Variants in TRPS1 observed in about 807,000 individuals in gnomAD.
The protein encoded by TRPS1 is zinc finger transcription factor Trps1.
TRPS1 carries 6 observed loss-of-function variants against 101.2 expected under a neutral mutation model. That is an observed-to-expected ratio of 0.06 (90% CI 0.03 to 0.12). The LOEUF is 0.12. Among genes scored for constraint, TRPS1 ranks in the 10% least tolerant of loss-of-function variants. The pLI, the probability that TRPS1 is intolerant of heterozygous loss-of-function variation, is 1.00. For synonymous variants in TRPS1, 578 were observed against 589.8 expected (o/e 0.98, Z 0.29); for missense variants, 1,363 against 1,567.0 (o/e 0.87, Z 2.20).
chr8:115,491,845 C>A (rs1815030578), intron 5 of TRPS1, among the ~76,000 whole-genome samples: 1 of 152,070 alleles, frequency 6.6e-6, no homozygotes, highest in South Asian at 2.1e-4. Context: ...AAACCAATGA[C>A]AGGTTCAGAT....
chr8:115,501,193 A>T (rs1259296615), intron 5 of TRPS1, among the ~76,000 whole-genome samples: 1 of 152,254 alleles, frequency 6.6e-6, no homozygotes, highest in East Asian at 1.9e-4. Flanking sequence ...CTTCCTTCTC[A>T]TTCTACATTC....
chr8:115,644,858 C>T (rs1165734080), intron 1 of TRPS1, among the ~76,000 whole-genome samples: 1 of 152,102 alleles, frequency 6.6e-6, no homozygotes, highest in Non-Finnish European at 1.5e-5. Flanking sequence ...GGAGGACCAA[C>T]GAGCACCAGA....
intron 5 of TRPS1, among the ~76,000 whole-genome samples, chr8:115,497,174 G>A (rs1037072712): frequency 2.0e-5 from 3 of 152,198 alleles, no homozygotes; most frequent in African/African-American, 7.2e-5. Flanking sequence ...ACCAGGGACA[G>A]GTTTTGTGGA....
intron 5 of TRPS1, among the ~76,000 whole-genome samples, chr8:115,526,149 A>AATTT (rs1231734897): frequency 1.3e-5 from 2 of 152,150 alleles, no homozygotes; most frequent in Non-Finnish European, 2.9e-5. Context: ...TTTCTACTAA[A>AATTT]AATACAAAAA....
chr8:115,503,156 AG>A (rs1328075876), intron 5 of TRPS1, among the ~76,000 whole-genome samples: 1 of 151,252 alleles, frequency 6.6e-6, no homozygotes, highest in African/African-American at 2.4e-5. Flanking sequence ...TGGGAGGCTG[AG>A]GCAGGAGAAT....
chr8:115,624,963 T>A (rs1344801353), intron 1 of TRPS1, among the ~76,000 whole-genome samples: 2 of 151,698 alleles, frequency 1.3e-5, no homozygotes, highest in Non-Finnish European at 3.0e-5. Context: ...TATATATAAA[T>A]ATATACATGC....
At chr8:115,590,039 C>T (rs1817646509) in intron 4 of TRPS1, among the ~76,000 whole-genome samples, 1 of 152,082 alleles carries the variant, frequency 6.6e-6, no homozygotes, top group East Asian at 1.9e-4. Context: ...ATTACTTGAA[C>T]CTGGGAGGCG....
At chr8:115,605,821 T>C (rs942634418) in intron 3 of TRPS1, among the ~76,000 whole-genome samples, 4 of 152,148 alleles carry the variant, frequency 2.6e-5, no homozygotes, top group East Asian at 3.9e-4. Context: ...CTGCTTTCTT[T>C]CCCAAATTAT....
chr8:115,643,912 T>C (rs951208816), intron 1 of TRPS1, among the ~76,000 whole-genome samples: 3 of 152,214 alleles, frequency 2.0e-5, no homozygotes, highest in African/African-American at 7.2e-5. Context: ...GGCATGAACA[T>C]AACATTCATC....
chr8:115,455,124 G>C (rs535709738), intron 5 of TRPS1, among the ~76,000 whole-genome samples: 2 of 152,290 alleles, frequency 1.3e-5, no homozygotes, highest in South Asian at 2.1e-4. Flanking sequence ...AGGTGTAAGT[G>C]TTCTCATTGC....
intron 5 of TRPS1, among the ~76,000 whole-genome samples, chr8:115,471,221 G>A (rs987078038): frequency 4.6e-5 from 7 of 152,150 alleles, no homozygotes; most frequent in African/African-American, 1.4e-4. Flanking sequence ...AAAGATCAGA[G>A]GTTTAATTGA....
intron 5 of TRPS1, among the ~76,000 whole-genome samples, chr8:115,533,436 G>GTTTTTTTATTTTTTTTTTTTTTTT (rs1816188433): frequency 2.9e-5 from 1 of 34,986 alleles, no homozygotes; most frequent in Non-Finnish European, 5.3e-5. Context: ...CATGTAATCT[G>GTTTTTTTATTTTTTTTTTTTTTTT]TTTTTTTTTT....
At chr8:115,459,975 T>C (rs1586295429) in intron 5 of TRPS1, among the ~76,000 whole-genome samples, 2 of 152,292 alleles carry the variant, frequency 1.3e-5, no homozygotes, top group Non-Finnish European at 1.5e-5. Context: ...ACATATATAA[T>C]AATATACTTC....
rs547426784 is a variant in TRPS1 at position 115,414,426 on chromosome 8, T to C, written c.3482A>G (p.Asn1161Ser). Residue 1161 changes from asparagine (N) to serine (S), a missense_variant, in exon 7 of 7, where the codon AAT becomes AGT. Transcript: ENST00000395715. The surrounding 1 kb of genome is among the most constrained non-coding windows in gnomAD (Gnocchi z 4.8). ...CQNYVPYPTF[N>S]LPPHFSAVGS... ...AACAGCTGAAAAATGAGGAGGCAGA[T>C]TGAAGGTGGGATAAGGCACATAGTT... is the stretch of plus-strand genomic sequence containing the variant. 2.8e-4 allele frequency: 454 copies of C among 1,613,880 alleles called. 6 individuals are homozygous for C. The South Asian group carries it at 4.7e-3, about 17-fold the overall frequency.
chr8:115,523,631 T>C (rs1277032582), intron 5 of TRPS1, among the ~76,000 whole-genome samples: 1 of 152,160 alleles, frequency 6.6e-6, no homozygotes, highest in African/African-American at 2.4e-5. Flanking sequence ...CTAAATTCTA[T>C]TCTGAATATT....
At chr8:115,427,523 G>A (rs1263830634) in intron 5 of TRPS1, among the ~76,000 whole-genome samples, 1 of 152,024 alleles carries the variant, frequency 6.6e-6, no homozygotes, top group East Asian at 1.9e-4. Flanking sequence ...CTGAGGCTTA[G>A]AAGCAATTTG....
intron 1 of TRPS1, among the ~76,000 whole-genome samples, chr8:115,663,080 G>GT (rs1383164050): frequency 2.0e-5 from 3 of 151,958 alleles, no homozygotes; most frequent in Non-Finnish European, 4.4e-5. Flanking sequence ...CCCAAAAACT[G>GT]TTTAAGTTAC....
chr8:115,435,379 C>G (rs993893969), intron 5 of TRPS1, among the ~76,000 whole-genome samples: 1 of 152,150 alleles, frequency 6.6e-6, no homozygotes, highest in African/African-American at 2.4e-5. Context: ...GCATGAGTGA[C>G]TGATCGAAAT....
chr8:115,448,037 G>A (rs746096167), intron 5 of TRPS1, among the ~76,000 whole-genome samples: 3 of 152,034 alleles, frequency 2.0e-5, no homozygotes, highest in Non-Finnish European at 4.4e-5. Context: ...AAAGGACCAT[G>A]CAAAATCCTG....
Sources: gnomAD v4.1 joint callset for allele counts (sites outside exome capture counted in the v4.1 genomes callset) on GRCh38, gnomAD v4.1.1 for gene constraint, Gnocchi (gnomAD v3.1) non-coding constraint, MANE v1.5 for transcripts, NCBI Gene and HGNC (gene_info 2026-07-23, HGNC 2026-07-21) for gene names.